The following WWOX variants were observed in gnomAD, a reference collection of about 807,000 sequenced individuals.
WWOX encodes WW domain-containing oxidoreductase.
A neutral mutation model predicts 46.2 loss-of-function variants in WWOX; 69 were observed. That is an observed-to-expected ratio of 1.49 (90% CI 1.23 to 1.82). The LOEUF (loss-of-function observed/expected upper bound fraction) is 1.82. Ranked by LOEUF, WWOX falls within the 40% of genes most tolerant of loss-of-function variation. The pLI is 0.00. For missense variants in WWOX, 919 were observed against 542.6 expected (o/e 1.69, Z -6.89); for synonymous variants, 359 against 202.6 (o/e 1.77, Z -6.56).
In WWOX at chr16:78,570,762, A is replaced by G. The variant is rs560653554; in HGVS notation, c.1056+138010A>G. On this transcript the variant is annotated intron_variant, in intron 8 of 8. Coordinates refer to ENST00000566780, the MANE Select transcript of WWOX (RefSeq NM_016373.4). ...AAAAATCAGTAAACACCAAGATAAA[A>G]TATATTCCAGTGGCGATACATTTTC... Among the ~76,000 whole-genome samples, 361 of 152,274 alleles carry G rather than the reference A, an allele frequency of 2.4e-3. 4 individuals are homozygous for G. The Middle Eastern group carries it at 0.044, about 19-fold the overall frequency.
chr16:78,775,626 A>G (rs750395232), intron 8 of WWOX, among the ~76,000 whole-genome samples: 3 of 152,172 alleles, frequency 2.0e-5, no homozygotes, highest in Admixed American at 6.5e-5. Flanking sequence ...CCCTGCTCCA[A>G]TGAGGATGAA....
chr16:78,464,900 A>G (rs1006887881), intron 8 of WWOX, among the ~76,000 whole-genome samples: 1 of 152,232 alleles, frequency 6.6e-6, no homozygotes. Context: ...AGACTGGGTA[A>G]TTTATAAAGA....
intron 5 of WWOX, among the ~76,000 whole-genome samples, chr16:78,336,684 C>G (rs13338934): frequency 0.072 from 10,951 of 151,900 alleles, 1,156 homozygotes; most frequent in African/African-American, 0.23. Context: ...GAACATAGAC[C>G]CAGAGCTGCC....
intron 8 of WWOX, among the ~76,000 whole-genome samples, chr16:79,079,640 C>T (rs2048724220): frequency 6.6e-6 from 1 of 152,164 alleles, no homozygotes; most frequent in Non-Finnish European, 1.5e-5. Flanking sequence ...AGTCTTTCAC[C>T]ATCCTTCACT....
At chr16:78,792,613 T>C (rs1429471011) in intron 8 of WWOX, among the ~76,000 whole-genome samples, 1 of 152,204 alleles carries the variant, frequency 6.6e-6, no homozygotes, top group African/African-American at 2.4e-5. Context: ...TTCATTGCTC[T>C]GTCGCCCAAA....
chr16:78,624,714 A>G (rs1186316264), intron 8 of WWOX, among the ~76,000 whole-genome samples: 2 of 152,184 alleles, frequency 1.3e-5, no homozygotes, highest in Admixed American at 6.5e-5. Context: ...TCATGAACAT[A>G]ATATGTCTAT....
intron 8 of WWOX, among the ~76,000 whole-genome samples, chr16:79,020,802 G>A (rs2047518075): frequency 6.6e-6 from 1 of 152,124 alleles, no homozygotes; most frequent in African/African-American, 2.4e-5. Context: ...CTCCATTACG[G>A]AATCTCCCTG....
intron 8 of WWOX, among the ~76,000 whole-genome samples, chr16:78,710,727 A>T (rs1014639260): frequency 6.6e-6 from 1 of 150,824 alleles, no homozygotes; most frequent in African/African-American, 2.4e-5. Flanking sequence ...TGATTCTCTC[A>T]TCTTAGCCTC....
intron 8 of WWOX, among the ~76,000 whole-genome samples, chr16:78,554,942 G>A (rs8048265): frequency 0.049 from 7,425 of 152,052 alleles, 318 homozygotes; most frequent in East Asian, 0.14. Context: ...CTGCATAGGC[G>A]GCCTGTTCTC....
intron 6 of WWOX, among the ~76,000 whole-genome samples, chr16:78,418,710 A>G (rs913746399): frequency 2.6e-5 from 4 of 152,156 alleles, no homozygotes; most frequent in African/African-American, 7.2e-5. Flanking sequence ...CTCTCAATAC[A>G]TACATAAAAA....
intron 8 of WWOX, among the ~76,000 whole-genome samples, chr16:78,474,732 T>C (rs1350373995): frequency 6.6e-6 from 1 of 152,176 alleles, no homozygotes; most frequent in South Asian, 2.1e-4. Flanking sequence ...CCTCCCATTC[T>C]CCACTTCAAC....
chr16:78,355,466 G>A, intron 5 of WWOX: 4 of 324,922 alleles, frequency 1.2e-5, no homozygotes, highest in Admixed American at 3.7e-5. Flanking sequence ...GCCTGGCGTG[G>A]TGGCGGGCAC....
intron 5 of WWOX, among the ~76,000 whole-genome samples, chr16:78,166,029 C>G (rs900545540): frequency 6.6e-6 from 1 of 152,138 alleles, no homozygotes; most frequent in Non-Finnish European, 1.5e-5. Flanking sequence ...TTATTTGAAT[C>G]TACACGCAGA....
intron 8 of WWOX, among the ~76,000 whole-genome samples, chr16:78,852,503 T>C (rs141095647): frequency 3.6e-4 from 55 of 152,250 alleles, no homozygotes; most frequent in African/African-American, 1.3e-3. Context: ...GCGAGCCTTG[T>C]TGGAAGCAGT....
At chr16:79,037,223 T>C (rs1314974108) in intron 8 of WWOX, among the ~76,000 whole-genome samples, 2 of 152,146 alleles carry the variant, frequency 1.3e-5, no homozygotes, top group African/African-American at 4.8e-5. Flanking sequence ...CAGTAATTCA[T>C]TTGTTCGTTC....
chr16:78,569,465 G>C (rs920916728), intron 8 of WWOX, among the ~76,000 whole-genome samples: 5 of 152,154 alleles, frequency 3.3e-5, no homozygotes, highest in Non-Finnish European at 5.9e-5. Context: ...TTGGAGAAAA[G>C]GGGGAAAAAG....
At position 78,610,660 on chromosome 16, in the gene WWOX, T is replaced by C. The variant is rs189707747; in HGVS notation, c.1056+177908T>C. On this transcript the variant is annotated intron_variant, in intron 8 of 8. Coordinates refer to ENST00000566780, the MANE Select transcript of WWOX (RefSeq NM_016373.4). ...CCTTCTCCTAAAGTGAACCCAGATATGTGGGTATGGGGTGCTAGTTTTTAT... is the reference window on the plus strand; with the variant it reads ...CCTTCTCCTAAAGTGAACCCAGATACGTGGGTATGGGGTGCTAGTTTTTAT... Among the ~76,000 whole-genome samples, 448 of 152,276 alleles carry C rather than the reference T, an allele frequency of 2.9e-3. 1 individual carries two copies. The highest frequency in any genetic ancestry group is 5.0e-3 in the Non-Finnish European group (342 of 68,022).
chr16:79,111,829 A>C (rs1410509496), intron 8 of WWOX, among the ~76,000 whole-genome samples: 3 of 152,180 alleles, frequency 2.0e-5, no homozygotes, highest in Admixed American at 2.0e-4. Flanking sequence ...ATGTGTGTCC[A>C]CTGGGCCTGG....
intron 8 of WWOX, among the ~76,000 whole-genome samples, chr16:78,644,608 C>A (rs146329248): frequency 2.0e-5 from 3 of 152,080 alleles, no homozygotes; most frequent in African/African-American, 4.8e-5. Context: ...ATTACAGGAG[C>A]CTGCCACCAC....
Sources: gnomAD v4.1 joint callset for allele counts (sites outside exome capture counted in the v4.1 genomes callset) on GRCh38, gnomAD v4.1.1 for gene constraint, MANE v1.5 for transcripts, NCBI Gene and HGNC (gene_info 2026-07-23, HGNC 2026-07-21) for gene names.